Variants in KIAA1217 observed in about 807,000 individuals in gnomAD.
The protein encoded by KIAA1217 is KIAA1217, also known as sickle tail protein homolog.
Under a neutral mutation model 163.9 loss-of-function variants are expected in KIAA1217, and 88 were observed. The ratio of observed to expected loss-of-function variants is 0.54; its 90% CI spans 0.45 to 0.64. KIAA1217 has a LOEUF of 0.64. Ranked by LOEUF, KIAA1217 falls within the 30% of genes least tolerant of loss-of-function variation. The pLI is 0.00. For synonymous variants in KIAA1217, 903 were observed against 923.1 expected (o/e 0.98, Z 0.39); for missense variants, 2,372 against 2,475.0 (o/e 0.96, Z 0.88).
chr10:24,532,071 A>G (rs2073203490), intron 15 of KIAA1217, 78 bp downstream of exon 15: 7 of 1,305,572 alleles, frequency 5.4e-6, no homozygotes, highest in African/African-American at 1.5e-5. Flanking sequence ...CTGTTGGAAC[A>G]TAAAAAGTAG....
chr10:24,438,179 G>C (rs1424460055), intron 4 of KIAA1217, among the ~76,000 whole-genome samples: 1 of 152,070 alleles, frequency 6.6e-6, no homozygotes, highest in African/African-American at 2.4e-5. Context: ...AACAAGAAAA[G>C]GAGAGAAAAG....
At chr10:24,355,653 G>A (rs1015256925) in intron 2 of KIAA1217, among the ~76,000 whole-genome samples, 8 of 144,024 alleles carry the variant, frequency 5.6e-5, no homozygotes, top group Non-Finnish European at 1.1e-4. Flanking sequence ...TGGCACTTGT[G>A]AACTGAAGCC....
intron 1 of KIAA1217, among the ~76,000 whole-genome samples, chr10:23,765,237 C>T (rs1462781191): frequency 7.6e-6 from 1 of 131,322 alleles, no homozygotes; most frequent in Non-Finnish European, 1.6e-5. Flanking sequence ...CTCTGTCGCC[C>T]AGGCTGGAGT....
chr10:24,104,212 A>T (rs1351020654), intron 2 of KIAA1217, among the ~76,000 whole-genome samples: 1 of 152,194 alleles, frequency 6.6e-6, no homozygotes, highest in African/African-American at 2.4e-5. Flanking sequence ...AAACCTTTAC[A>T]CAGTTGTTTA....
chr10:23,950,707 G>C (rs185485104), intron 1 of KIAA1217, among the ~76,000 whole-genome samples: 27 of 152,252 alleles, frequency 1.8e-4, no homozygotes, highest in African/African-American at 6.5e-4. Context: ...TATGAAAAGG[G>C]ATGGGGTGGG....
chr10:23,918,727 A>AATATATATAT (rs147936789), intron 1 of KIAA1217, among the ~76,000 whole-genome samples: 3 of 146,050 alleles, frequency 2.1e-5, no homozygotes, highest in Admixed American at 6.9e-5. Flanking sequence ...TTAAGAATTA[A>AATATATATAT]ATATATACAC....
At chr10:24,257,937 CT>C (rs2075331033) in intron 2 of KIAA1217, among the ~76,000 whole-genome samples, 1 of 152,162 alleles carries the variant, frequency 6.6e-6, no homozygotes. Context: ...CTTTCTCTTC[CT>C]TCAGTGGGCA....
At chr10:23,866,060 G>C (rs1282752134) in intron 1 of KIAA1217, among the ~76,000 whole-genome samples, 3 of 151,988 alleles carry the variant, frequency 2.0e-5, no homozygotes, top group Non-Finnish European at 4.4e-5. Flanking sequence ...TATATACTTG[G>C]AGATTCCTTC....
chr10:24,105,544 C>T (rs558327857), intron 2 of KIAA1217, among the ~76,000 whole-genome samples: 7 of 152,330 alleles, frequency 4.6e-5, no homozygotes, highest in African/African-American at 1.2e-4. Flanking sequence ...CCAGTGGTAT[C>T]TGTTCTCATC....
At chr10:23,749,581 T>C (rs1221414803) in intron 1 of KIAA1217, among the ~76,000 whole-genome samples, 1 of 152,210 alleles carries the variant, frequency 6.6e-6, no homozygotes, top group Non-Finnish European at 1.5e-5. Context: ...CTGATTTTTG[T>C]ATTTTTAGTA....
In KIAA1217 at chr10:24,520,205, G is replaced by A. The variant is rs750601825; in HGVS notation, c.2260G>A (p.Gly754Arg). Residue 754 changes from glycine to arginine, a missense_variant, in exon 11 of 21, where the codon GGG (glycine) becomes AGG (arginine). Gly to Arg is a moderately radical substitution (Grantham distance 125, BLOSUM62 -2). Transcript: ENST00000376454. Reference sequence around the variant, plus strand: ...GGTTACTCTGAAAGACGTGGAAGACGGGGCTTTCCTCCTGCGTCAAGTGGG... The same window carrying A: ...GGTTACTCTGAAAGACGTGGAAGACAGGGCTTTCCTCCTGCGTCAAGTGGG... ...RLVTLKDVEDGAFLLRQVGEA... is the reference protein window; with the variant it reads ...RLVTLKDVEDRAFLLRQVGEA... 8.7e-6 allele frequency: 14 copies of A among 1,614,018 alleles called. No individual in the cohort carries two copies. The highest frequency in any genetic ancestry group is 2.7e-5 in the African/African-American group (2 of 74,904).
At chr10:23,976,660 T>C (rs950185164) in intron 1 of KIAA1217, among the ~76,000 whole-genome samples, 1 of 152,004 alleles carries the variant, frequency 6.6e-6, no homozygotes, top group Non-Finnish European at 1.5e-5. Flanking sequence ...TTTAGAAAAA[T>C]GAAGATGTGG....
chr10:23,947,993 G>A (rs182098117), intron 1 of KIAA1217, among the ~76,000 whole-genome samples: 2 of 152,288 alleles, frequency 1.3e-5, no homozygotes, highest in Admixed American at 6.5e-5. Context: ...TCAGAAACGT[G>A]TCTTCCACCT....
chr10:24,003,225 C>A (rs993235465), intron 1 of KIAA1217, among the ~76,000 whole-genome samples: 14 of 152,046 alleles, frequency 9.2e-5, no homozygotes, highest in East Asian at 3.9e-4. Context: ...CTTTAGGGAA[C>A]CTACACACCG....
intron 2 of KIAA1217, among the ~76,000 whole-genome samples, chr10:24,044,057 G>T (rs1206930467): frequency 6.6e-6 from 1 of 152,054 alleles, no homozygotes; most frequent in African/African-American, 2.4e-5. Flanking sequence ...GAGAGGAAAA[G>T]GAAGTATTCT....
At chr10:24,197,469 A>G (rs2067043385) in intron 2 of KIAA1217, among the ~76,000 whole-genome samples, 1 of 152,238 alleles carries the variant, frequency 6.6e-6, no homozygotes, top group Non-Finnish European at 1.5e-5. Flanking sequence ...TGTTTTGGAA[A>G]TAGTTGGGTT....
At chr10:24,093,092 CAAGTAGTCT>C (rs1201726964) in intron 2 of KIAA1217, among the ~76,000 whole-genome samples, 1 of 151,642 alleles carries the variant, frequency 6.6e-6, no homozygotes. Flanking sequence ...TTCCCAGGCT[CAAGTAGTCT>C]TCCCACCTCA....
intron 1 of KIAA1217, among the ~76,000 whole-genome samples, chr10:23,827,924 C>T (rs998635191): frequency 4.6e-5 from 7 of 152,068 alleles, no homozygotes; most frequent in Non-Finnish European, 1.0e-4. Flanking sequence ...ACTGTTTGCC[C>T]AGGGAAAGAA....
At chr10:23,970,172 C>G (rs909678976) in intron 1 of KIAA1217, among the ~76,000 whole-genome samples, 2 of 152,130 alleles carry the variant, frequency 1.3e-5, no homozygotes, top group South Asian at 2.1e-4. Context: ...TTTCTTTTAT[C>G]ATGTGTGCTT....
Sources: allele counts gnomAD v4.1 joint callset (sites outside exome capture counted in the v4.1 genomes callset), GRCh38; gene constraint gnomAD v4.1.1; transcripts MANE v1.5; gene names NCBI Gene and HGNC (gene_info 2026-07-23, HGNC 2026-07-21).